The following FARSA variants were observed in gnomAD, a reference collection of about 807,000 sequenced individuals.
FARSA encodes the protein phenylalanyl-tRNA synthetase subunit alpha.
A neutral mutation model predicts 63.2 loss-of-function variants in FARSA; 37 were observed. The ratio of observed to expected loss-of-function variants is 0.59; its 90% CI spans 0.45 to 0.77. FARSA has a LOEUF of 0.77. FARSA is among the 30% of genes least tolerant of loss of function. The pLI is 0.00. For missense variants in FARSA, 618 were observed against 696.6 expected (o/e 0.89, Z 1.27); for synonymous variants, 312 against 285.1 (o/e 1.09, Z -0.95).
At chr19:12,929,453 C>A (rs561331575) in intron 4 of FARSA, among the ~76,000 whole-genome samples, 2 of 152,122 alleles carry the variant, frequency 1.3e-5, no homozygotes, top group Non-Finnish European at 2.9e-5. Flanking sequence ...GTGATTTGCC[C>A]GCCTCGGCCT....
chr19:12,929,562 T>C (rs909215370), intron 4 of FARSA, among the ~76,000 whole-genome samples: 2 of 152,152 alleles, frequency 1.3e-5, no homozygotes, highest in African/African-American at 4.8e-5. Flanking sequence ...CTTGAATTCA[T>C]GGATTCAAGT....
intron 7 of FARSA, among the ~76,000 whole-genome samples, chr19:12,927,527 G>A (rs911807768): frequency 6.6e-6 from 1 of 152,008 alleles, no homozygotes; most frequent in Non-Finnish European, 1.5e-5. Flanking sequence ...GAGGTCAGGA[G>A]TTCCAGACCA....
At chr19:12,932,922 C>T (rs1971412208) in intron 1 of FARSA, 1 of 152,472 alleles carries the variant, frequency 6.6e-6, no homozygotes, top group South Asian at 2.1e-4. Flanking sequence ...CCAGCTTCTT[C>T]TTTCATCCCT....
chr19:12,932,169 C>T (rs565721306), intron 1 of FARSA, among the ~76,000 whole-genome samples: 1 of 151,500 alleles, frequency 6.6e-6, no homozygotes, highest in South Asian at 2.1e-4. Flanking sequence ...GCTGGGATTA[C>T]GGGTGCCCAC....
intron 12 of FARSA, 21 bp from the exon 13 acceptor site, chr19:12,922,907 G>C: frequency 1.2e-6 from 2 of 1,614,024 alleles, no homozygotes; most frequent in Non-Finnish European, 1.7e-6. Flanking sequence ...AGGGAACAGA[G>C]TTTATCATGA....
chr19:12,929,747 A>C lies in FARSA; in HGVS notation c.503+476T>G, dbSNP rs139774749. On this transcript the variant is annotated intron_variant, in intron 4 of 12. Coordinates refer to ENST00000314606, the MANE Select transcript of FARSA (RefSeq NM_004461.3). ...AACTTCAGTTAGGCATCCCAGCTCT[A>C]GTCTCTTCTCTCTGCCACTCTGTGT... 8.5e-3 allele frequency among the ~76,000 whole-genome samples: 1,296 copies of C among 152,302 alleles called. 20 individuals carry two copies. Among genetic ancestry groups the C allele is most frequent in the African/African-American group, 0.029 (1,225 of 41,564 alleles).
chr19:12,930,560 G>A (rs757700052), intron 2 of FARSA, 33 bp from the exon 3 acceptor site: 28 of 1,609,532 alleles, frequency 1.7e-5, no homozygotes, highest in South Asian at 4.4e-5. Flanking sequence ...AGTGGGGCAC[G>A]AGGGCCACCT....
rs778480926 is a variant in FARSA at position 12,924,917 on chromosome 19, C to A, written c.1013G>T (p.Arg338Leu). The change falls in exon 9 of 13, where the codon CGC becomes CTC. Residue 338 changes from arginine (R) to leucine (L), a missense_variant. Physicochemically the swap from Arg to Leu is moderately radical, Grantham distance 102. Transcript: ENST00000314606. This position sits in a 1 kb window ranked among gnomAD's most constrained non-coding sequence, Gnocchi z 6.4. Reference sequence around the variant, plus strand: ...GGCCAACCGCACCTTCTGGGCAAGGCGGTAGAGCGCACGGGCGCTGGCTGA... The same window carrying A: ...GGCCAACCGCACCTTCTGGGCAAGGAGGTAGAGCGCACGGGCGCTGGCTGA... ...TTSASARALYRLAQKKPFTPV... is the reference protein window; with the variant it reads ...TTSASARALYLLAQKKPFTPV... 2 of 1,614,226 alleles carry A rather than the reference C, an allele frequency of 1.2e-6. No individual in the cohort carries two copies. Among genetic ancestry groups the A allele is most frequent in the Non-Finnish European group, 1.7e-6 (2 of 1,180,028 alleles).
rs1186355206 is a variant in FARSA at position 12,925,119 on chromosome 19, G to A, written c.897C>T (p.Thr299=). 5 of 1,609,836 alleles carry A rather than the reference G, an allele frequency of 3.1e-6. No homozygotes were observed. The highest frequency in any genetic ancestry group is 2.0e-4 in the Middle Eastern group (1 of 5,080). ...GTGAGCCGTAGCCGCCCTGAGAGTG[G>A]GTCCGCTTGACCCGCTGGACATAGT... is the stretch of plus-strand genomic sequence containing the variant. ...PMDYVQRVKR[T]HSQGGYGSQG... Residue 299 remains threonine (T), a synonymous_variant, in exon 8 of 13, where the codon ACC becomes ACT. Transcript: ENST00000314606.
rs1235986080 is a variant in FARSA, at chr19:12,930,450, G to C, written c.363C>G (p.Asp121Glu). The change falls in exon 3 of 13, where the codon GAC becomes GAG. Residue 121 changes from aspartate (D) to glutamate (E), a missense_variant. Asp to Glu is a conservative substitution (Grantham distance 45). Coordinates refer to ENST00000314606, the MANE Select transcript of FARSA (RefSeq NM_004461.3). ...GCACCACTCGGAACACCCGGGGCCC[G>C]TCAGCCGCACTCTTGTCCACCCGAA... ...KWIRVDKSAA[D>E]GPRVFRVVDS... is the part of the protein sequence containing the mutation. The C allele has an allele frequency of 1.2e-6, 2 of 1,614,004 alleles. No individual in the cohort carries two copies. The highest frequency in any genetic ancestry group is 2.7e-5 in the African/African-American group (2 of 74,942).
rs1477114889 is a variant in FARSA at position 12,922,562 on chromosome 19, GGAC to G, written c.*183_*185del. 1.0e-5 allele frequency: 7 copies of G among 694,396 alleles called. No individual in the cohort carries two copies. In the Admixed American group the frequency reaches 1.4e-4, roughly 14 times the overall value. The allele number at this position is 694,396 out of a possible 1,614,324, so 43.0% of individuals were successfully genotyped here. A position where few individuals can be genotyped will look rare whatever the true frequency, so the allele number is the denominator to read the frequency against. On this transcript the variant is annotated 3_prime_UTR_variant, in exon 13 of 13. Coordinates refer to ENST00000314606, the MANE Select transcript of FARSA (RefSeq NM_004461.3). Reference sequence around the variant, plus strand: ...ACCCTCACAGTAGACACACCACACAGGACAACAGAAGGAACCTGCTACCCAGTC... The same window carrying G: ...ACCCTCACAGTAGACACACCACACAGAACAGAAGGAACCTGCTACCCAGTC...
At chr19:12,925,490 T>A (rs1971316256) in intron 7 of FARSA, among the ~76,000 whole-genome samples, 1 of 151,686 alleles carries the variant, frequency 6.6e-6, no homozygotes. Flanking sequence ...CCCAAGTAGC[T>A]GGGATTACAG....
rs1971307958 is a variant in FARSA, at chr19:12,924,855, T to C, written c.1027-48A>G. On this transcript the variant is annotated intron_variant, in intron 9 of 12. Transcript: ENST00000314606. The surrounding 1 kb of genome is among the most constrained non-coding windows in gnomAD (Gnocchi z 6.4). ...GCCCAGGTATGGGTCAGAAGGTCCC[T>C]TTGACAGCACCCTCTCCCCACTGGG... 4 of 1,613,938 alleles carry C rather than the reference T, an allele frequency of 2.5e-6. No homozygotes were observed. The East Asian group carries it at 8.9e-5, about 36-fold the overall frequency.
At chr19:12,929,058 T>TA (rs1198989947) in intron 4 of FARSA, among the ~76,000 whole-genome samples, 1 of 152,164 alleles carries the variant, frequency 6.6e-6, no homozygotes, top group Non-Finnish European at 1.5e-5. Context: ...ACTGAGAACC[T>TA]AATGTGTGCC....
chr19:12,933,591 C>T lies in FARSA; in HGVS notation c.106G>A (p.Ala36Thr), dbSNP rs1312149602. 6.4e-7 allele frequency: 1 copy of T among 1,551,738 alleles called. No homozygotes were observed. Among genetic ancestry groups the T allele is most frequent in the African/African-American group, 1.4e-5 (1 of 73,490 alleles). ...LAAELGMEHQ[A>T]VVGAVKSLQA... ...AGGCTCTTCACGGCGCCCACCACCG[C>T]CTGGTGCTCCATGCCCAGCTCAGCC... Residue 36 changes from alanine to threonine, a missense_variant, in exon 1 of 13, where the codon GCG becomes ACG. Coordinates refer to ENST00000314606, the MANE Select transcript of FARSA (RefSeq NM_004461.3).
chr19:12,933,605 C>A lies in FARSA; in HGVS notation c.92G>T (p.Gly31Val). 1 of 1,555,046 alleles carries A rather than the reference C, an allele frequency of 6.4e-7. No individual in the cohort carries two copies. Among genetic ancestry groups the A allele is most frequent in the Non-Finnish European group, 8.7e-7 (1 of 1,154,540 alleles). The change falls in exon 1 of 13, where the codon GGC (glycine) becomes GTC (valine). Residue 31 changes from glycine to valine, a missense_variant. Coordinates refer to ENST00000314606, the MANE Select transcript of FARSA (RefSeq NM_004461.3). ...GCCCACCACCGCCTGGTGCTCCATG[C>A]CCAGCTCAGCCGCCAACTCGGCGCT... ...LDSAELAAEL[G>V]MEHQAVVGAV...
rs555800372 is a variant in FARSA, at chr19:12,924,113, G to A, written c.1388+38C>T. ...CCCCTATACCTGGAGAGTTATTTGA[G>A]GCAGCTGGACACCCCGAGTTTCCAC... On this transcript the variant is annotated intron_variant, in intron 12 of 12. Coordinates refer to ENST00000314606, the MANE Select transcript of FARSA (RefSeq NM_004461.3). The surrounding 1 kb of genome is among the most constrained non-coding windows in gnomAD (Gnocchi z 6.4). 1 of 1,525,568 alleles carries A rather than the reference G, an allele frequency of 6.6e-7. No individual in the cohort carries two copies. The highest frequency in any genetic ancestry group is 2.2e-5 in the East Asian group (1 of 44,460). The allele number at this position is 1,525,568 out of a possible 1,614,324, so 94.5% of individuals were successfully genotyped here.
chr19:12,933,343 G>T (rs1971416166), intron 1 of FARSA: 1 of 583,694 alleles, frequency 1.7e-6, no homozygotes, highest in Non-Finnish European at 2.9e-6. Context: ...CACGCTGACC[G>T]TGCCTCAATA....
chr19:12,924,661 C>A lies in FARSA; in HGVS notation c.1173G>T (p.Leu391=). Residue 391 remains leucine, a synonymous_variant, in exon 10 of 13, where the codon CTG becomes CTT. Coordinates refer to ENST00000314606, the MANE Select transcript of FARSA (RefSeq NM_004461.3). This position sits in a 1 kb window ranked among gnomAD's most constrained non-coding sequence, Gnocchi z 6.4. ...CACCCAGCTTGGTGAAGAACTCCCG[C>A]AGAACGCCCATGAGGTGGCCCAAGG... is the stretch of plus-strand genomic sequence containing the variant. ...GLTLGHLMGV[L]REFFTKLGIT... is the part of the protein sequence containing the mutation. The A allele has an allele frequency of 6.3e-7, 1 of 1,597,870 alleles. No homozygotes were observed. The highest frequency in any genetic ancestry group is 1.7e-5 in the Admixed American group (1 of 59,268).
Sources: gnomAD v4.1 joint callset for allele counts (sites outside exome capture counted in the v4.1 genomes callset) on GRCh38, gnomAD v4.1.1 for gene constraint, Gnocchi (gnomAD v3.1) non-coding constraint, MANE v1.5 for transcripts, NCBI Gene and HGNC (gene_info 2026-07-23, HGNC 2026-07-21) for gene names.